The following PPHLN1 variants were observed in gnomAD, a reference collection of about 807,000 sequenced individuals.
The protein encoded by PPHLN1 is periphilin 1.
A neutral mutation model predicts 51.3 loss-of-function variants in PPHLN1; 29 were observed. That is an observed-to-expected ratio of 0.57 (90% CI 0.42 to 0.77). The LOEUF is 0.77. Ranked by LOEUF, PPHLN1 falls within the 30% of genes least tolerant of loss-of-function variation. The pLI is 0.00. For synonymous variants in PPHLN1, 147 were observed against 147.8 expected, an observed-to-expected ratio of 0.99 and a Z score of 0.04; for missense variants, 436 against 438.4, an observed-to-expected ratio of 0.99 and a Z score of 0.05.
At position 42,441,701 on chromosome 12, in the gene PPHLN1, T is replaced by G; in HGVS notation, c.*192T>G. The G allele has an allele frequency of 7.9e-7, 1 of 1,261,574 alleles. No homozygotes were observed. The highest frequency in any genetic ancestry group is 1.0e-6 in the Non-Finnish European group (1 of 987,808). The allele number at this position is 1,261,574 out of a possible 1,614,324, so 78.1% of individuals were successfully genotyped here. On this transcript the variant is annotated 3_prime_UTR_variant, in exon 10 of 10. Transcript: ENST00000358314. Reference sequence around the variant, plus strand: ...GTTTGATTCAAATTTTTGTATTTTTTGTAGAGATGGGGTTCACCATGTTGG... The same window carrying G: ...GTTTGATTCAAATTTTTGTATTTTTGGTAGAGATGGGGTTCACCATGTTGG...
At chr12:42,392,415 C>A (rs1407427900) in intron 7 of PPHLN1, among the ~76,000 whole-genome samples, 1 of 152,076 alleles carries the variant, frequency 6.6e-6, no homozygotes, top group Non-Finnish European at 1.5e-5. Flanking sequence ...GGTAGTGCCC[C>A]ATAAGTTCAG....
intron 4 of PPHLN1, among the ~76,000 whole-genome samples, chr12:42,362,704 A>G (rs2074832872): frequency 6.6e-6 from 1 of 152,242 alleles, no homozygotes; most frequent in Non-Finnish European, 1.5e-5. Context: ...CTATGAGATC[A>G]TGGCATTACC....
downstream of PPHLN1, chr12:42,448,266 C>A (rs993580844): frequency 6.6e-6 from 1 of 152,622 alleles, no homozygotes; most frequent in African/African-American, 2.4e-5. Flanking sequence ...TTCTTTTTCT[C>A]CCCTTCCCCA....
intron 9 of PPHLN1, chr12:42,432,420 CAACAA>C: frequency 1.3e-6 from 1 of 756,138 alleles, no homozygotes; most frequent in South Asian, 1.4e-5. Flanking sequence ...TCTTTAGTGC[CAACAA>C]ATACAAATGG....
rs188474661 is a variant in PPHLN1, at chr12:42,350,039, C to T, written c.73-1846C>T. ...GGGGTGGCCGGGCAGAGGCGCCCCC[C>T]ACCTCCCAGACAGGGCGGCTGCCGG... is the stretch of plus-strand genomic sequence containing the variant. On this transcript the variant is annotated intron_variant, in intron 2 of 9. Transcript: ENST00000358314. 3.9e-4 allele frequency among the ~76,000 whole-genome samples: 59 copies of T among 150,168 alleles called. 1 individual carries two copies. Among genetic ancestry groups the T allele is most frequent in the African/African-American group, 1.4e-3 (55 of 40,482 alleles).
chr12:42,333,736 C>G (rs2070155652), intron 1 of PPHLN1, among the ~76,000 whole-genome samples: 1 of 152,180 alleles, frequency 6.6e-6, no homozygotes. Context: ...CCCACCTCGG[C>G]CTCCCAAAAT....
intron 4 of PPHLN1, among the ~76,000 whole-genome samples, chr12:42,364,980 T>C (rs1456236775): frequency 6.6e-6 from 1 of 152,190 alleles, no homozygotes; most frequent in East Asian, 1.9e-4. Flanking sequence ...TGGAATACTT[T>C]CGTTTGTTCT....
At chr12:42,402,514 G>C (rs952586752) in intron 9 of PPHLN1, among the ~76,000 whole-genome samples, 1 of 152,078 alleles carries the variant, frequency 6.6e-6, no homozygotes, top group African/African-American at 2.4e-5. Flanking sequence ...TACTTTACTA[G>C]CTTTTCTTCG....
intron 9 of PPHLN1, chr12:42,432,147 T>G: frequency 9.9e-7 from 1 of 1,009,788 alleles, no homozygotes; most frequent in Non-Finnish European, 1.6e-6. Context: ...ATGTCGGCTG[T>G]CTCGATCATC....
At chr12:42,377,333 G>A (rs185812864) in intron 5 of PPHLN1, among the ~76,000 whole-genome samples, 12 of 137,232 alleles carry the variant, frequency 8.7e-5, no homozygotes, top group African/African-American at 3.2e-4. Flanking sequence ...CTGAGACGGA[G>A]TCTTGCTCTG....
rs1430782714 is a variant in PPHLN1, at chr12:42,378,090, C to CTT, written c.511+3017_511+3018insTT. Among the ~76,000 whole-genome samples the CTT allele has an allele frequency of 2.4e-3, 345 of 140,880 alleles. 1 individual carries two copies. Among genetic ancestry groups the CTT allele is most frequent in the East Asian group, 6.2e-3 (30 of 4,806 alleles). 92.4% of individuals were successfully genotyped at this position (140,880 alleles called of 152,430 possible). On this transcript the variant is annotated intron_variant, in intron 5 of 9. Transcript: ENST00000358314. ...TGCATCTAGCTATCTATCTATCTTT[C>CTT]TCTTTCTTTCTTTCTTTCTTTCTTT...
At chr12:42,330,397 C>T (rs1023484718) in intron 1 of PPHLN1, among the ~76,000 whole-genome samples, 3 of 152,202 alleles carry the variant, frequency 2.0e-5, no homozygotes, top group South Asian at 2.1e-4. Flanking sequence ...TCTCGTCCCA[C>T]GAGGCCATAT....
At chr12:42,375,236 A>G (rs2076156569) in intron 5 of PPHLN1, 162 bp downstream of exon 5, 4 of 511,518 alleles carry the variant, frequency 7.8e-6, no homozygotes, top group East Asian at 6.3e-5. Flanking sequence ...AACAAACACC[A>G]TACACACACA....
intron 2 of PPHLN1, among the ~76,000 whole-genome samples, chr12:42,342,429 T>A (rs548557930): frequency 6.6e-6 from 1 of 152,328 alleles, no homozygotes; most frequent in South Asian, 2.1e-4. Flanking sequence ...CCAGAATGGC[T>A]TTTAAATACA....
At chr12:42,362,139 C>G (rs544428436) in intron 4 of PPHLN1, among the ~76,000 whole-genome samples, 1 of 152,254 alleles carries the variant, frequency 6.6e-6, no homozygotes, top group African/African-American at 2.4e-5. Flanking sequence ...CTAATGATGA[C>G]TAGTGGTGAT....
chr12:42,378,069 TCTAG>T (rs1268141364), intron 5 of PPHLN1, among the ~76,000 whole-genome samples: 2 of 147,604 alleles, frequency 1.4e-5, no homozygotes, highest in African/African-American at 2.5e-5. Flanking sequence ...AATGCCTGCA[TCTAG>T]CTATCTATCT....
chr12:42,421,193 G>A (rs1005669427), intron 9 of PPHLN1, among the ~76,000 whole-genome samples: 6 of 152,102 alleles, frequency 3.9e-5, no homozygotes, highest in African/African-American at 1.4e-4. Context: ...GAGGCTCTGA[G>A]GTAGTTAAAA....
At chr12:42,339,363 C>T (rs1414950010) in intron 2 of PPHLN1, among the ~76,000 whole-genome samples, 1 of 152,106 alleles carries the variant, frequency 6.6e-6, no homozygotes. Flanking sequence ...TCCCAAGACT[C>T]AGGTGCATTT....
At chr12:42,383,135 G>C (rs2076899960) in intron 5 of PPHLN1, among the ~76,000 whole-genome samples, 2 of 152,148 alleles carry the variant, frequency 1.3e-5, no homozygotes, top group African/African-American at 4.8e-5. Context: ...AATTATATGT[G>C]GTAATACCTA....
Sources: gnomAD v4.1 joint callset for allele counts (sites outside exome capture counted in the v4.1 genomes callset) on GRCh38, gnomAD v4.1.1 for gene constraint, MANE v1.5 for transcripts, NCBI Gene and HGNC (gene_info 2026-07-23, HGNC 2026-07-21) for gene names.